Variants in TIAM1 observed in about 807,000 individuals in gnomAD.
TIAM1 encodes the protein rho guanine nucleotide exchange factor TIAM1.
In TIAM1, 65 loss-of-function variants were observed where a neutral mutation model predicts 163.5. The observed-to-expected ratio is 0.40, with a 90% CI of 0.33 to 0.49. TIAM1 has a LOEUF of 0.49. Ranked by LOEUF, TIAM1 falls within the 20% of genes least tolerant of loss-of-function variation. The probability of loss-of-function intolerance (pLI) is 0.77; values close to 1 mark genes in which losing one functional copy is unlikely to be tolerated. For synonymous variants in TIAM1, 833 were observed against 810.1 expected, an observed-to-expected ratio of 1.03 and a Z score of -0.48; for missense variants, 1,789 against 2,044.7, an observed-to-expected ratio of 0.87 and a Z score of 2.41.
chr21:31,335,159 C>T (rs1222425960), intron 2 of TIAM1, among the ~76,000 whole-genome samples: 3 of 152,134 alleles, frequency 2.0e-5, no homozygotes, highest in Non-Finnish European at 2.9e-5. Context: ...GAGAGGTTCC[C>T]GGTTCCTAAA....
intron 4 of TIAM1, among the ~76,000 whole-genome samples, chr21:31,259,654 A>AATAATAATC (rs1269242856): frequency 6.6e-6 from 1 of 150,770 alleles, no homozygotes; most frequent in Non-Finnish European, 1.5e-5. Context: ...TAATAATAAT[A>AATAATAATC]ATCCTGAATG....
At chr21:31,459,278 A>T (rs972801135) in intron 2 of TIAM1, among the ~76,000 whole-genome samples, 3 of 151,840 alleles carry the variant, frequency 2.0e-5, no homozygotes, top group Non-Finnish European at 4.4e-5. Flanking sequence ...TGCCCAGTTA[A>T]TTTTTTTTAT....
rs775032408 is a variant in TIAM1 at position 31,182,473 on chromosome 21, G to A, written c.2835C>T (p.Asp945=). Residue 945 remains aspartate, a synonymous_variant, in exon 15 of 28, where the codon GAC becomes GAT. Transcript: ENST00000541036. ...ELLESPPHRV[D]GPADLGESPL... ...GGCTCTCGCCAAGGTCGGCAGGGCC[G>A]TCCACTCGGTGGGGCGGGCTTTCCA... 2.1e-5 allele frequency: 33 copies of A among 1,609,164 alleles called. No individual in the cohort carries two copies. The highest frequency in any genetic ancestry group is 3.3e-5 in the South Asian group (3 of 90,306).
intron 4 of TIAM1, among the ~76,000 whole-genome samples, chr21:31,256,630 T>TACACACACACACACACACAA (rs1569115880): frequency 2.0e-5 from 3 of 148,938 alleles, no homozygotes; most frequent in African/African-American, 5.0e-5. Flanking sequence ...CACACACACG[T>TACACACACACACACACACAA]ATATTATCTT....
chr21:31,436,347 A>G (rs1326959727), intron 2 of TIAM1, among the ~76,000 whole-genome samples: 2 of 152,218 alleles, frequency 1.3e-5, no homozygotes, highest in African/African-American at 4.8e-5. Flanking sequence ...TATCTAAAGT[A>G]TACGCCAGAG....
intron 2 of TIAM1, among the ~76,000 whole-genome samples, chr21:31,361,511 C>T (rs1345552457): frequency 1.3e-5 from 2 of 152,092 alleles, no homozygotes; most frequent in Non-Finnish European, 2.9e-5. Flanking sequence ...TGTACAGTCA[C>T]GTGTTGTGCA....
intron 2 of TIAM1, 95 bp from the exon 3 acceptor site, chr21:31,277,003 C>CA (rs1167350664): frequency 6.6e-6 from 1 of 152,172 alleles, no homozygotes; most frequent in African/African-American, 2.4e-5. Context: ...CCCATTTCGT[C>CA]AATTCCATGA....
At chr21:31,166,820 C>T (rs1215363265) in intron 15 of TIAM1, among the ~76,000 whole-genome samples, 1 of 152,190 alleles carries the variant, frequency 6.6e-6, no homozygotes, top group Non-Finnish European at 1.5e-5. Context: ...GAACAGCTGA[C>T]AAGCTCATCT....
intron 4 of TIAM1, among the ~76,000 whole-genome samples, chr21:31,255,870 G>A (rs2072071416): frequency 6.6e-6 from 1 of 152,176 alleles, no homozygotes. Context: ...TCACAGGGCC[G>A]AGAGGCTCTT....
At chr21:31,162,340 AAC>A (rs2083968351) in intron 16 of TIAM1, among the ~76,000 whole-genome samples, 1 of 152,202 alleles carries the variant, frequency 6.6e-6, no homozygotes, top group Admixed American at 6.5e-5. Context: ...TACTATTAAT[AAC>A]ACACAGTAGA....
chr21:31,452,939 T>G (rs189568993), intron 2 of TIAM1: 143 of 516,244 alleles, frequency 2.8e-4, no homozygotes, highest in African/African-American at 2.7e-3. Flanking sequence ...AAGTGGAAGA[T>G]GCGTTCTACA....
chr21:31,130,849 A>G, intron 24 of TIAM1, 41 bp downstream of exon 24: 1 of 1,575,574 alleles, frequency 6.3e-7, no homozygotes, highest in Non-Finnish European at 8.7e-7. Flanking sequence ...AAGCAGATAG[A>G]GAAATAGTTT....
chr21:31,195,102 G>A (rs543269648), intron 13 of TIAM1, 122 bp downstream of exon 13: 1 of 687,300 alleles, frequency 1.5e-6, no homozygotes, highest in Non-Finnish European at 2.4e-6. Flanking sequence ...CCACAGAGCA[G>A]GAGCCAGATA....
intron 2 of TIAM1, among the ~76,000 whole-genome samples, chr21:31,366,682 T>C (rs866794237): frequency 1.1e-4 from 16 of 152,298 alleles, no homozygotes; most frequent in Middle Eastern, 6.8e-3. Flanking sequence ...AGTGGTGCCA[T>C]CTTGGCTCAC....
At chr21:31,546,951 A>C (rs1339364434) in intron 1 of TIAM1, among the ~76,000 whole-genome samples, 1 of 99,332 alleles carries the variant, frequency 1.0e-5, no homozygotes, top group Non-Finnish European at 2.1e-5. Context: ...GCTGTGCCCC[A>C]AAATAGTGGG....
At chr21:31,309,543 GA>G (rs895807792) in intron 2 of TIAM1, among the ~76,000 whole-genome samples, 1 of 152,134 alleles carries the variant, frequency 6.6e-6, no homozygotes, top group African/African-American at 2.4e-5. Context: ...AACTTATTGG[GA>G]AAAAAATCTT....
At chr21:31,453,297 A>T in intron 2 of TIAM1, 1 of 197,836 alleles carries the variant, frequency 5.1e-6, no homozygotes, top group East Asian at 1.5e-4. Flanking sequence ...AAAAAAGAAA[A>T]TTGCCATGTT....
Position 31,204,312 on chromosome 21 carries a change from C to T in TIAM1, c.2389-1300G>A, listed in dbSNP as rs138069387. Among the ~76,000 whole-genome samples the T allele has an allele frequency of 2.7e-3, 409 of 151,964 alleles. 7 individuals carry two copies. The highest frequency in any genetic ancestry group is 0.025 in the Admixed American group (386 of 15,250). On this transcript the variant is annotated intron_variant, in intron 11 of 27. Transcript: ENST00000541036. ...GAGTTGGGGGTGGGAGTGAGTAAAT[C>T]GATAAAACTTAATTTGATCATTACA...
intron 1 of TIAM1, among the ~76,000 whole-genome samples, chr21:31,479,690 A>T (rs2833423): frequency 0.59 from 89,697 of 151,918 alleles, 27,359 homozygotes; most frequent in African/African-American, 0.7. Flanking sequence ...ACGCCACTGA[A>T]GGAAGTGAAA....
Sources: allele counts gnomAD v4.1 joint callset (sites outside exome capture counted in the v4.1 genomes callset), GRCh38; gene constraint gnomAD v4.1.1; transcripts MANE v1.5; gene names NCBI Gene and HGNC (gene_info 2026-07-23, HGNC 2026-07-21).